Variants in PPP1R13B observed in about 807,000 individuals in gnomAD.
The protein encoded by PPP1R13B is apoptosis-stimulating of p53 protein 1.
PPP1R13B carries 44 observed loss-of-function variants against 119.8 expected under a neutral mutation model. The observed-to-expected ratio is 0.37, with a 90% CI of 0.29 to 0.47. PPP1R13B has a LOEUF of 0.47. Ranked by LOEUF, PPP1R13B falls within the 20% of genes least tolerant of loss-of-function variation. The pLI is 0.99. For missense variants in PPP1R13B, 1,227 were observed against 1,413.5 expected (o/e 0.87, Z 2.12); for synonymous variants, 542 against 561.5 (o/e 0.97, Z 0.49).
intron 2 of PPP1R13B, 94 bp from the exon 3 acceptor site, chr14:103,785,008 A>G: frequency 2.7e-6 from 3 of 1,118,382 alleles, no homozygotes; most frequent in Non-Finnish European, 3.7e-6. Context: ...GTATATATGC[A>G]CACATGTATG....
At chr14:103,811,992 G>A (rs1172826101) in intron 1 of PPP1R13B, among the ~76,000 whole-genome samples, 4 of 147,902 alleles carry the variant, frequency 2.7e-5, no homozygotes, top group Non-Finnish European at 6.0e-5. Context: ...CCTGGGAGGC[G>A]GAGCTTGCGG....
chr14:103,754,279 T>C (rs373166986), intron 5 of PPP1R13B, 35 bp from the exon 6 acceptor site: 1 of 1,591,600 alleles, frequency 6.3e-7, no homozygotes, highest in African/African-American at 1.4e-5. Context: ...CTTTGAAAAT[T>C]GAAGGCTGGG....
chr14:103,739,755 AG>A, intron 12 of PPP1R13B, 68 bp downstream of exon 12: 1 of 1,479,262 alleles, frequency 6.8e-7, no homozygotes. Context: ...GACCAAGGGA[AG>A]GACCCCAGAG....
intron 4 of PPP1R13B, among the ~76,000 whole-genome samples, chr14:103,763,440 TTTTATC>T (rs1425261567): frequency 6.6e-6 from 1 of 152,110 alleles, no homozygotes; most frequent in Non-Finnish European, 1.5e-5. Context: ...TCATCTGTAC[TTTTATC>T]TTTAATTATC....
Position 103,757,872 on chromosome 14 carries a change from C to T in PPP1R13B, c.355-121G>A, listed in dbSNP as rs552687918. On this transcript the variant is annotated intron_variant, in intron 4 of 16. Coordinates refer to ENST00000202556, the MANE Select transcript of PPP1R13B (RefSeq NM_015316.3). ...TCCCTAGTAGTGAGGAGAGTACCAA[C>T]TAGTTTATTTTCTTGTAAGAACTTT... 7.7e-5 allele frequency: 50 copies of T among 646,732 alleles called. No individual in the cohort carries two copies. In the Admixed American group the frequency reaches 8.8e-4, roughly 11 times the overall value. The allele number at this position is 646,732 out of a possible 1,614,324, so 40.1% of individuals were successfully genotyped here. A position where few individuals can be genotyped will look rare whatever the true frequency, so the allele number is the denominator to read the frequency against.
chr14:103,738,589 C>T lies in PPP1R13B; in HGVS notation c.2864+90G>A, dbSNP rs927238415. On this transcript the variant is annotated intron_variant, in intron 14 of 16. Coordinates refer to ENST00000202556, the MANE Select transcript of PPP1R13B (RefSeq NM_015316.3). This position sits in a 1 kb window ranked among gnomAD's most constrained non-coding sequence, Gnocchi z 5.6. ...GTGTTCTTGCTCTAATTCTCTCTTCCGTGCTTCCTAATTGTCTAGAACACG... is the reference window on the plus strand; with the variant it reads ...GTGTTCTTGCTCTAATTCTCTCTTCTGTGCTTCCTAATTGTCTAGAACACG... 22 of 1,548,590 alleles carry T rather than the reference C, an allele frequency of 1.4e-5. No homozygotes were observed. The highest frequency in any genetic ancestry group is 8.1e-5 in the African/African-American group (6 of 73,706).
At chr14:103,802,865 C>A (rs1455715718) in intron 1 of PPP1R13B, among the ~76,000 whole-genome samples, 2 of 152,188 alleles carry the variant, frequency 1.3e-5, no homozygotes, top group African/African-American at 4.8e-5. Context: ...AACATTATTT[C>A]AATTTCTTGT....
intron 1 of PPP1R13B, among the ~76,000 whole-genome samples, chr14:103,833,166 C>T (rs2086697485): frequency 6.6e-6 from 1 of 152,156 alleles, no homozygotes; most frequent in African/African-American, 2.4e-5. Context: ...AATAATCCTT[C>T]AATATTTTCA....
At chr14:103,771,375 C>G (rs965896166) in intron 4 of PPP1R13B, among the ~76,000 whole-genome samples, 1 of 151,740 alleles carries the variant, frequency 6.6e-6, no homozygotes, top group East Asian at 1.9e-4. Context: ...GCAGAAGTCA[C>G]GTTCAGATTG....
At chr14:103,821,129 G>A (rs2086396295) in intron 1 of PPP1R13B, among the ~76,000 whole-genome samples, 1 of 152,138 alleles carries the variant, frequency 6.6e-6, no homozygotes, top group Admixed American at 6.6e-5. Flanking sequence ...GAAATAATTT[G>A]TCAAGGTTAA....
At chr14:103,799,201 T>C (rs575125084) in intron 1 of PPP1R13B, among the ~76,000 whole-genome samples, 135 of 151,404 alleles carry the variant, frequency 8.9e-4, no homozygotes, top group South Asian at 1.9e-3. Flanking sequence ...TTTTTTGAGA[T>C]GGAGTCTCGC....
chr14:103,740,144 C>T lies in PPP1R13B; in HGVS notation c.2272G>A (p.Val758Met). The change falls in exon 12 of 17, where the codon GTG (valine) becomes ATG (methionine). Residue 758 changes from valine (V) to methionine (M), a missense_variant. Coordinates refer to ENST00000202556, the MANE Select transcript of PPP1R13B (RefSeq NM_015316.3). The surrounding 1 kb of genome is among the most constrained non-coding windows in gnomAD (Gnocchi z 4.6). ...TTGGCATTGGTGTTTCCATTGTCCA[C>T]ATCGGCCAAGGTGCCCATGAAGTCC... Reference protein sequence around the residue: ...SQDFMGTLADVDNGNTNANGN... With the variant: ...SQDFMGTLADMDNGNTNANGN... 1.9e-6 allele frequency: 3 copies of T among 1,613,590 alleles called. No individual in the cohort carries two copies. Among genetic ancestry groups the T allele is most frequent in the Non-Finnish European group, 2.5e-6 (3 of 1,180,030 alleles).
At position 103,738,638 on chromosome 14, in the gene PPP1R13B, G is replaced by T; in HGVS notation, c.2864+41C>A. The T allele has an allele frequency of 6.2e-7, 1 of 1,607,588 alleles. No homozygotes were observed. Among genetic ancestry groups the T allele is most frequent in the Non-Finnish European group, 8.5e-7 (1 of 1,174,694 alleles). ...CGCCTGTTTTCCTTATGCAAAGCAG[G>T]GAAAGTAAATCTGTCCACCCCACAC... is the stretch of plus-strand genomic sequence containing the variant. On this transcript the variant is annotated intron_variant, in intron 14 of 16. Coordinates refer to ENST00000202556, the MANE Select transcript of PPP1R13B (RefSeq NM_015316.3). The surrounding 1 kb of genome is among the most constrained non-coding windows in gnomAD (Gnocchi z 5.6).
rs536822960 is a variant in PPP1R13B, at chr14:103,774,650, T to TC, written c.354+4094dup. 7.0e-3 allele frequency among the ~76,000 whole-genome samples: 1,063 copies of TC among 151,872 alleles called. 10 individuals are homozygous for TC. Among genetic ancestry groups the TC allele is most frequent in the Non-Finnish European group, 0.011 (761 of 67,960 alleles). On this transcript the variant is annotated intron_variant, in intron 4 of 16. Transcript: ENST00000202556. Reference sequence around the variant, plus strand: ...CCTGCCCTTCTCTTCCAACCCACACTCCCCCCTTTCTTCACAGCTCTCCTT... The same window carrying TC: ...CCTGCCCTTCTCTTCCAACCCACACTCCCCCCCTTTCTTCACAGCTCTCCTT...
At chr14:103,789,277 G>GGC (rs2085551746) in intron 2 of PPP1R13B, among the ~76,000 whole-genome samples, 1 of 152,108 alleles carries the variant, frequency 6.6e-6, no homozygotes, top group Non-Finnish European at 1.5e-5. Flanking sequence ...GGAGTGCACT[G>GGC]GCATGATCTC....
intron 1 of PPP1R13B, 193 bp downstream of exon 1, chr14:103,847,106 C>T (rs1465277345): frequency 1.0e-6 from 1 of 985,722 alleles, no homozygotes; most frequent in Admixed American, 6.2e-5. Flanking sequence ...CCCGGCCCCG[C>T]GCTGACAGCC....
intron 7 of PPP1R13B, among the ~76,000 whole-genome samples, chr14:103,751,182 A>G (rs982240972): frequency 6.6e-6 from 1 of 152,178 alleles, no homozygotes; most frequent in African/African-American, 2.4e-5. Context: ...AAAACAAACA[A>G]ACAAAAACCT....
chr14:103,784,828 G>A lies in PPP1R13B; in HGVS notation c.244C>T (p.His82Tyr), dbSNP rs779640763. 6.8e-6 allele frequency: 11 copies of A among 1,609,874 alleles called. No individual in the cohort carries two copies. The highest frequency in any genetic ancestry group is 9.3e-6 in the Non-Finnish European group (11 of 1,176,820). Residue 82 changes from histidine to tyrosine, a missense_variant, in exon 3 of 17, where the codon CAC becomes TAC. Physicochemically the swap from His to Tyr is moderately conservative, Grantham distance 83. Coordinates refer to ENST00000202556, the MANE Select transcript of PPP1R13B (RefSeq NM_015316.3). Reference sequence around the variant, plus strand: ...CTGTTCTCAGTTGGGGAGTCCTCGTGTCGAAGGAAAAATTTCACTTCTTCC... The same window carrying A: ...CTGTTCTCAGTTGGGGAGTCCTCGTATCGAAGGAAAAATTTCACTTCTTCC... The part of the protein sequence containing the change: ...RREEVKFFLR[H>Y]EDSPTENSEQ...
At chr14:103,798,300 C>T (rs1208950867) in intron 1 of PPP1R13B, among the ~76,000 whole-genome samples, 3 of 151,690 alleles carry the variant, frequency 2.0e-5, no homozygotes, top group Non-Finnish European at 4.4e-5. Context: ...TACAGGCGCC[C>T]GCCACCACGC....
Sources: allele counts gnomAD v4.1 joint callset (sites outside exome capture counted in the v4.1 genomes callset), GRCh38; gene constraint gnomAD v4.1.1; non-coding constraint Gnocchi (gnomAD v3.1); transcripts MANE v1.5; gene names NCBI Gene and HGNC (gene_info 2026-07-23, HGNC 2026-07-21).